Variants in TRDN observed in about 807,000 individuals in gnomAD.
TRDN encodes the protein triadin, also known as triadin in skeletal muscle.
TRDN carries 161 observed loss-of-function variants against 149.7 expected under a neutral mutation model. The observed-to-expected ratio is 1.08, with a 90% CI of 0.95 to 1.23. The LOEUF (loss-of-function observed/expected upper bound fraction) is 1.23. Ranked by LOEUF, TRDN falls within the 50% of genes most tolerant of loss-of-function variation. The pLI, the probability that TRDN is intolerant of heterozygous loss-of-function variation, is 0.00. For synonymous variants in TRDN, 294 were observed against 250.5 expected (o/e 1.17, Z -1.64); for missense variants, 896 against 823.5 (o/e 1.09, Z -1.08).
intron 23 of TRDN, among the ~76,000 whole-genome samples, chr6:123,324,275 A>G (rs914119752): frequency 6.6e-6 from 1 of 152,118 alleles, no homozygotes; most frequent in Non-Finnish European, 1.5e-5. Flanking sequence ...TCAAAAATGT[A>G]AAAATAATAG....
At chr6:123,246,759 C>G (rs1776196474) in intron 38 of TRDN, among the ~76,000 whole-genome samples, 1 of 151,360 alleles carries the variant, frequency 6.6e-6, no homozygotes, top group Non-Finnish European at 1.5e-5. Flanking sequence ...CCAGCATCAT[C>G]CTGATACCAA....
At chr6:123,382,728 T>C (rs777541128) in intron 14 of TRDN, among the ~76,000 whole-genome samples, 14 of 152,142 alleles carry the variant, frequency 9.2e-5, no homozygotes, top group South Asian at 6.2e-4. Flanking sequence ...TGTTATGTAG[T>C]AATGTCTATT....
At chr6:123,258,728 T>G (rs1197748913) in intron 35 of TRDN, among the ~76,000 whole-genome samples, 2 of 152,194 alleles carry the variant, frequency 1.3e-5, no homozygotes, top group Admixed American at 1.3e-4. Context: ...CTCCTCTTTG[T>G]ACCTCTGGTA....
intron 12 of TRDN, among the ~76,000 whole-genome samples, chr6:123,402,751 C>A (rs577186574): frequency 6.6e-6 from 1 of 151,826 alleles, no homozygotes; most frequent in South Asian, 2.1e-4. Context: ...GGTGATAATA[C>A]CTTAGACTAA....
At chr6:123,332,751 T>A (rs555332802) in intron 22 of TRDN, among the ~76,000 whole-genome samples, 3 of 152,222 alleles carry the variant, frequency 2.0e-5, no homozygotes, top group Admixed American at 6.6e-5. Flanking sequence ...CCCCTTTTTC[T>A]ATTCCCACCA....
At chr6:123,221,920 A>C (rs1474125442) in intron 39 of TRDN, among the ~76,000 whole-genome samples, 4 of 151,688 alleles carry the variant, frequency 2.6e-5, no homozygotes, top group African/African-American at 9.7e-5. Context: ...AATAATCCCA[A>C]ATTTGGAGGG....
chr6:123,380,936 A>G (rs1781694848), intron 16 of TRDN, among the ~76,000 whole-genome samples: 1 of 152,080 alleles, frequency 6.6e-6, no homozygotes, highest in African/African-American at 2.4e-5. Context: ...AAAATGTCAT[A>G]TATCACATGG....
intron 9 of TRDN, among the ~76,000 whole-genome samples, chr6:123,490,657 A>G (rs1214869770): frequency 1.3e-5 from 2 of 152,230 alleles, no homozygotes; most frequent in African/African-American, 4.8e-5. Context: ...AGCATGTCAC[A>G]GTACTCTTTC....
chr6:123,398,949 TC>T (rs1370890203), intron 12 of TRDN, among the ~76,000 whole-genome samples: 1 of 152,212 alleles, frequency 6.6e-6, no homozygotes, highest in African/African-American at 2.4e-5. Flanking sequence ...CTAGATTTTT[TC>T]CCCCAGAAAA....
intron 1 of TRDN, among the ~76,000 whole-genome samples, chr6:123,590,062 A>T (rs1214462789): frequency 6.6e-6 from 1 of 152,182 alleles, no homozygotes; most frequent in Non-Finnish European, 1.5e-5. Flanking sequence ...TTTAATATGT[A>T]TGTGTATATG....
chr6:123,505,937 T>C (rs1449838090), intron 7 of TRDN, among the ~76,000 whole-genome samples: 1 of 152,162 alleles, frequency 6.6e-6, no homozygotes, highest in African/African-American at 2.4e-5. Context: ...CTTCTGTAAC[T>C]ACACTCAGGG....
At chr6:123,613,181 G>T (rs144243257) in intron 1 of TRDN, among the ~76,000 whole-genome samples, 2 of 152,124 alleles carry the variant, frequency 1.3e-5, no homozygotes, top group African/African-American at 2.4e-5. Context: ...CTCATATTGT[G>T]TGCCAACAGT....
intron 21 of TRDN, among the ~76,000 whole-genome samples, chr6:123,339,005 A>C (rs1779970538): frequency 6.6e-6 from 1 of 151,818 alleles, no homozygotes; most frequent in Admixed American, 6.6e-5. Context: ...TAGATGTATT[A>C]GGGGTTTTTT....
intron 29 of TRDN, among the ~76,000 whole-genome samples, 197 bp from the exon 30 acceptor site, chr6:123,271,383 C>A (rs916476341): frequency 6.6e-6 from 1 of 151,990 alleles, no homozygotes; most frequent in African/African-American, 2.4e-5. Context: ...ATGTCCTTTG[C>A]AGCTATCTTG....
chr6:123,375,878 A>G (rs141889530), intron 18 of TRDN, among the ~76,000 whole-genome samples: 1 of 152,232 alleles, frequency 6.6e-6, no homozygotes, highest in East Asian at 1.9e-4. Flanking sequence ...CAGAATATTC[A>G]TTTACAAATC....
chr6:123,281,635 G>T (rs911191159), intron 24 of TRDN, among the ~76,000 whole-genome samples: 1 of 152,016 alleles, frequency 6.6e-6, no homozygotes, highest in East Asian at 1.9e-4. Context: ...ACATACAATT[G>T]TGTGAAAATA....
intron 10 of TRDN, among the ~76,000 whole-genome samples, chr6:123,446,289 T>C (rs1421947043): frequency 6.6e-6 from 1 of 151,948 alleles, no homozygotes; most frequent in Non-Finnish European, 1.5e-5. Flanking sequence ...TAATGCTAGA[T>C]GACAAGTTAG....
intron 37 of TRDN, among the ~76,000 whole-genome samples, chr6:123,253,602 T>C (rs73549391): frequency 0.02 from 3,090 of 152,198 alleles, 93 homozygotes; most frequent in South Asian, 0.077. Flanking sequence ...AGGGGAAAAA[T>C]AGACTTTCAC....
chr6:123,600,107 T>C (rs1245402217), intron 1 of TRDN, among the ~76,000 whole-genome samples: 2 of 152,068 alleles, frequency 1.3e-5, no homozygotes, highest in Admixed American at 1.3e-4. Context: ...CAGAGTTGAA[T>C]ACTGAATGCC....
Sources: allele counts gnomAD v4.1 joint callset (sites outside exome capture counted in the v4.1 genomes callset), GRCh38; gene constraint gnomAD v4.1.1; transcripts MANE v1.5; gene names NCBI Gene and HGNC (gene_info 2026-07-23, HGNC 2026-07-21).